The following TUBB8 variants were observed in gnomAD, a reference collection of about 807,000 sequenced individuals.
The protein encoded by TUBB8 is tubulin beta 8 class VIII, also known as tubulin beta-8 chain.
Under a neutral mutation model 33.7 loss-of-function variants are expected in TUBB8, and 25 were observed. That is an observed-to-expected ratio of 0.74 (90% CI 0.54 to 1.04). The LOEUF (loss-of-function observed/expected upper bound fraction) is 1.04. TUBB8 is among the 50% of genes least tolerant of loss of function. The pLI is 0.00. For missense variants in TUBB8, 279 were observed against 608.0 expected (o/e 0.46, Z 5.69); for synonymous variants, 245 against 240.1 (o/e 1.02, Z -0.19).
At chr10:66,514 C>T (rs374818233) in intron 1 of TUBB8, among the ~76,000 whole-genome samples, 28 of 152,218 alleles carry the variant, frequency 1.8e-4, no homozygotes, top group African/African-American at 4.6e-4. Context: ...CTAGGTGTGA[C>T]GATGCATATC....
chr10:76,394 CA>C (rs1834814916), upstream of TUBB8, among the ~76,000 whole-genome samples: 1 of 152,150 alleles, frequency 6.6e-6, no homozygotes, highest in Non-Finnish European at 1.5e-5. Context: ...AGTCTGGGTA[CA>C]AATGGCCAGA....
rs561705922 is a variant in TUBB8, at chr10:48,093, T to C, written c.299A>G (p.Asn100Ser). The change falls in exon 4 of 4, where the codon AAC (asparagine) becomes AGC (serine). Residue 100 changes from asparagine (N) to serine (S), a missense_variant. Asn to Ser is a conservative substitution (Grantham distance 46, BLOSUM62 1). Coordinates refer to ENST00000568584, the MANE Select transcript of TUBB8 (RefSeq NM_177987.3). ...TTCGGTGTAGTGTCCCTTGGCCCAG[T>C]TGTTTCCGGCCCCACACTGACCTGT... Reference protein sequence around the residue: ...FIFGQCGAGNNWAKGHYTEGA... With the variant: ...FIFGQCGAGNSWAKGHYTEGA... 200 of 1,613,730 alleles carry C rather than the reference T, an allele frequency of 1.2e-4. 1 individual carries two copies. The South Asian group carries it at 2.1e-3, about 17-fold the overall frequency.
chr10:57,249 T>C (rs544100069), intron 1 of TUBB8, among the ~76,000 whole-genome samples: 11 of 152,344 alleles, frequency 7.2e-5, no homozygotes, highest in South Asian at 4.1e-4. Flanking sequence ...TGTGTGCTTC[T>C]GGCTTTTCCA....
At chr10:63,114 C>T (rs868994913) in intron 1 of TUBB8, among the ~76,000 whole-genome samples, 6 of 151,214 alleles carry the variant, frequency 4.0e-5, no homozygotes, top group African/African-American at 4.9e-5. Flanking sequence ...CACTCTGTAG[C>T]CCAGGCTGGA....
At chr10:76,221 C>T (rs1218743809), upstream of TUBB8, among the ~76,000 whole-genome samples, 2 of 152,044 alleles carry the variant, frequency 1.3e-5, no homozygotes, top group African/African-American at 2.4e-5. Context: ...CCTGCCAGTC[C>T]CCAGCCTCCC....
intron 1 of TUBB8, among the ~76,000 whole-genome samples, chr10:67,274 A>G (rs111837686): frequency 0.047 from 5,123 of 109,866 alleles, no homozygotes; most frequent in African/African-American, 0.098. Context: ...AATCACAAAG[A>G]ATCTGTAGAT....
rs138367541 is a variant in TUBB8, at chr10:74,123, C to T, written c.-1000G>A. The stretch of plus-strand genomic sequence containing the variant: ...CCCCCCGTCCTCACAGTGGACCCCC[C>T]GTCCTCACAGTGGACCCCCCAGGAC... On this transcript the variant is annotated 5_prime_UTR_variant, in exon 1 of 4. Coordinates refer to the TUBB8 transcript ENST00000564130. 109 of 151,498 alleles carry T rather than the reference C, an allele frequency of 7.2e-4. No individual in the cohort carries two copies. In the East Asian group the frequency reaches 0.019, roughly 27 times the overall value. 9.4% of individuals were successfully genotyped at this position (151,498 alleles called of 1,614,324 possible). A position where few individuals can be genotyped will look rare whatever the true frequency, so the allele number is the denominator to read the frequency against.
chr10:65,092 A>G (rs1834653845), intron 1 of TUBB8, among the ~76,000 whole-genome samples: 2 of 152,140 alleles, frequency 1.3e-5, no homozygotes, highest in Non-Finnish European at 2.9e-5. Flanking sequence ...AGGTTGCTAT[A>G]AGCCAAGACT....
Position 48,070 on chromosome 10 carries a change from C to T in TUBB8, c.322G>A (p.Glu108Lys), listed in dbSNP as rs541770879. ...GNNWAKGHYT[E>K]GAELMESVMD... ...ACTGACTCCATCAGCTCCGCGCCTT[C>T]GGTGTAGTGTCCCTTGGCCCAGTTG... Residue 108 changes from glutamate to lysine, a missense_variant, in exon 4 of 4, where the codon GAA becomes AAA. Glu to Lys is a moderately conservative substitution (Grantham distance 56, BLOSUM62 1). This residue lies in a region of TUBB8 where 96 missense variants were observed against 233.7 expected (regional missense o/e 0.41). Coordinates refer to ENST00000568584, the MANE Select transcript of TUBB8 (RefSeq NM_177987.3). 13 of 1,613,968 alleles carry T rather than the reference C, an allele frequency of 8.1e-6. No individual in the cohort carries two copies. The East Asian group carries it at 2.0e-4, about 25-fold the overall frequency.
intron 1 of TUBB8, among the ~76,000 whole-genome samples, chr10:67,327 C>T (rs1272171349): frequency 0.058 from 6,430 of 110,664 alleles, no homozygotes; most frequent in African/African-American, 0.12. Context: ...TTAAGTCTTC[C>T]AGTTCGTGAA....
At chr10:67,368 T>C (rs527433085) in intron 1 of TUBB8, among the ~76,000 whole-genome samples, 12 of 152,352 alleles carry the variant, frequency 7.9e-5, no homozygotes, top group African/African-American at 2.9e-4. Flanking sequence ...ATGTAAGCTT[T>C]CTTGAATTTA....
exon 1 of TUBB8, chr10:74,043 C>A: frequency 6.5e-6 from 1 of 154,960 alleles, no homozygotes. Context: ...GTGTCCCAAG[C>A]CCCGGCCCCT....
At chr10:53,300 G>T (rs1253426850), upstream of TUBB8, among the ~76,000 whole-genome samples, 1 of 152,078 alleles carries the variant, frequency 6.6e-6, no homozygotes, top group African/African-American at 2.4e-5. Flanking sequence ...GCTAATTTTT[G>T]TATCTTTAGT....
intron 1 of TUBB8, among the ~76,000 whole-genome samples, chr10:69,883 C>G (rs1834715588): frequency 6.6e-6 from 1 of 152,168 alleles, no homozygotes; most frequent in Non-Finnish European, 1.5e-5. Flanking sequence ...CGGGCCAGAC[C>G]CTAAAAACAC....
At chr10:60,370 A>C (rs11252638) in intron 1 of TUBB8, among the ~76,000 whole-genome samples, 40,261 of 151,056 alleles carry the variant, frequency 0.27, 6,026 homozygotes, top group Non-Finnish European at 0.36. Flanking sequence ...GAACTCAAAC[A>C]AATTTACAAG....
chr10:49,064 C>A, intron 1 of TUBB8, 118 bp downstream of exon 1: 1 of 1,349,962 alleles, frequency 7.4e-7, no homozygotes, highest in South Asian at 1.4e-5. Flanking sequence ...CCCGGTTCCA[C>A]CGTCCCCGGC....
At chr10:63,082 A>ATTTTTTTT (rs34751761) in intron 1 of TUBB8, among the ~76,000 whole-genome samples, 1 of 146,596 alleles carries the variant, frequency 6.8e-6, no homozygotes, top group African/African-American at 2.5e-5. Flanking sequence ...TAAATGTTTA[A>ATTTTTTTT]TTTTTTTTTT....
chr10:49,601 G>A (rs1161149138), upstream of TUBB8: 17 of 522,998 alleles, frequency 3.3e-5, no homozygotes, highest in East Asian at 7.5e-4. Flanking sequence ...TGCACGGAGT[G>A]CCTTTGCACC....
intron 1 of TUBB8, among the ~76,000 whole-genome samples, chr10:73,729 C>T (rs1302074762): frequency 1.3e-4 from 19 of 151,860 alleles, no homozygotes; most frequent in African/African-American, 4.3e-4. Context: ...CAGTCCCCAA[C>T]ATCCCGACAG....
Sources: gnomAD v4.1 joint callset for allele counts (sites outside exome capture counted in the v4.1 genomes callset) on GRCh38, gnomAD v4.1.1 for gene constraint, gnomAD v4.1.1 regional missense constraint, MANE v1.5 for transcripts, NCBI Gene and HGNC (gene_info 2026-07-23, HGNC 2026-07-21) for gene names.